The following CWF19L2 variants were observed in gnomAD, a reference collection of about 807,000 sequenced individuals.
The protein encoded by CWF19L2 is CWF19 like cell cycle control factor 2.
CWF19L2 carries 98 observed loss-of-function variants against 111.7 expected under a neutral mutation model. The observed-to-expected ratio is 0.88, with a 90% CI of 0.75 to 1.04. The LOEUF is 1.04. CWF19L2 is among the 50% of genes least tolerant of loss of function. The pLI is 0.00. For missense variants in CWF19L2, 1,101 were observed against 1,051.4 expected, an observed-to-expected ratio of 1.05 and a Z score of -0.65; for synonymous variants, 351 against 342.9, an observed-to-expected ratio of 1.02 and a Z score of -0.26.
chr11:107,361,540 T>C (rs537659436), intron 12 of CWF19L2, among the ~76,000 whole-genome samples: 7 of 152,214 alleles, frequency 4.6e-5, no homozygotes, highest in Non-Finnish European at 5.9e-5. Flanking sequence ...ATAGAGATTA[T>C]AATCAACCTG....
chr11:107,400,899 G>A (rs1489131347), intron 10 of CWF19L2, among the ~76,000 whole-genome samples: 2 of 151,944 alleles, frequency 1.3e-5, no homozygotes, highest in Non-Finnish European at 2.9e-5. Context: ...AGGGATGTAG[G>A]GATGGTTTAA....
rs185215540 is a variant in CWF19L2 at position 107,367,787 on chromosome 11, G to C, written c.1873-14051C>G. 3.7e-3 allele frequency among the ~76,000 whole-genome samples: 493 copies of C among 133,516 alleles called. 83 individuals carry two copies. Among genetic ancestry groups the C allele is most frequent in the Non-Finnish European group, 5.7e-3 (360 of 63,066 alleles). 87.6% of individuals were successfully genotyped at this position (133,516 alleles called of 152,430 possible). On this transcript the variant is annotated intron_variant, in intron 12 of 17. Transcript: ENST00000282251. ...GCACATGTATACATATGTAACTAAC[G>C]TGCACAATGTGCACATGTACCCTAA...
chr11:107,341,329 G>T (rs1385009355), intron 14 of CWF19L2, among the ~76,000 whole-genome samples: 1 of 152,178 alleles, frequency 6.6e-6, no homozygotes, highest in African/African-American at 2.4e-5. Context: ...TATCATAAAT[G>T]AGTAGGAATT....
intron 16 of CWF19L2, among the ~76,000 whole-genome samples, chr11:107,331,201 T>C (rs1175007315): frequency 6.6e-6 from 1 of 152,140 alleles, no homozygotes; most frequent in African/African-American, 2.4e-5. Flanking sequence ...GTAAAGGAGA[T>C]AGACAAGGCT....
intron 16 of CWF19L2, among the ~76,000 whole-genome samples, chr11:107,333,157 A>G (rs1859874835): frequency 6.6e-6 from 1 of 152,052 alleles, no homozygotes; most frequent in Admixed American, 6.6e-5. Context: ...TGTAACCCTC[A>G]GCTAGTCTCA....
intron 12 of CWF19L2, among the ~76,000 whole-genome samples, chr11:107,368,125 CA>C (rs67243856): frequency 0.48 from 31,402 of 66,042 alleles, 7,484 homozygotes; most frequent in African/African-American, 0.58. Context: ...GACCCCCCCC[CA>C]CACAAAAATA....
At chr11:107,439,316 C>T (rs1056988014) in intron 5 of CWF19L2, 133 bp from the exon 6 acceptor site, 19 of 612,676 alleles carry the variant, frequency 3.1e-5, no homozygotes, top group South Asian at 3.1e-4. Context: ...TTAAGATATG[C>T]TGTTCTGTAA....
At chr11:107,403,875 C>G in intron 10 of CWF19L2, 1 of 795,100 alleles carries the variant, frequency 1.3e-6, no homozygotes, top group Admixed American at 1.8e-5. Context: ...CTCTTCTCCT[C>G]CTGTATTTGA....
chr11:107,352,149 T>C (rs1469737233), intron 13 of CWF19L2, among the ~76,000 whole-genome samples: 1 of 152,210 alleles, frequency 6.6e-6, no homozygotes. Flanking sequence ...TCTTTGCTTG[T>C]ATTGTCCTGT....
At chr11:107,425,462 C>T (rs929490823) in intron 8 of CWF19L2, among the ~76,000 whole-genome samples, 2 of 151,896 alleles carry the variant, frequency 1.3e-5, no homozygotes, top group African/African-American at 4.8e-5. Flanking sequence ...ACATGTTCTA[C>T]TTTGCAGCCT....
In CWF19L2 at chr11:107,428,867, T is replaced by C. The variant is rs753325330; in HGVS notation, c.1365A>G (p.Gln455=). The stretch of plus-strand genomic sequence containing the variant: ...GAGGGTCATCTCTCAAGACTTCATC[T>C]TGTGATTTTTCTCTTGGGTCTTCTG... ...HVPEDPREKS[Q]DEVLRDDPPK... The change falls in exon 8 of 18, where the codon CAA becomes CAG. Residue 455 remains glutamine (Q), a synonymous_variant. Transcript: ENST00000282251. The C allele has an allele frequency of 1.2e-6, 2 of 1,613,748 alleles. No homozygotes were observed. The highest frequency in any genetic ancestry group is 3.3e-5 in the Admixed American group (2 of 59,996).
intron 6 of CWF19L2, among the ~76,000 whole-genome samples, chr11:107,437,958 T>C (rs1861565990): frequency 6.6e-6 from 1 of 152,188 alleles, no homozygotes; most frequent in Non-Finnish European, 1.5e-5. Flanking sequence ...CTTGTATGAC[T>C]ATAGTTACTA....
chr11:107,423,529 T>C (rs1290337890), intron 8 of CWF19L2, among the ~76,000 whole-genome samples: 2 of 152,084 alleles, frequency 1.3e-5, no homozygotes, highest in East Asian at 3.9e-4. Flanking sequence ...TTCTGCCATT[T>C]GTACCTGACC....
At chr11:107,345,534 T>C (rs767527996) in intron 14 of CWF19L2, 2 of 446,926 alleles carry the variant, frequency 4.5e-6, no homozygotes, top group Non-Finnish European at 9.1e-6. Flanking sequence ...TCATGAATTA[T>C]AAACAAAAAC....
At chr11:107,396,757 AC>A (rs1257819257) in intron 10 of CWF19L2, among the ~76,000 whole-genome samples, 3 of 152,132 alleles carry the variant, frequency 2.0e-5, no homozygotes, top group Non-Finnish European at 2.9e-5. Flanking sequence ...GTAAGAACAA[AC>A]CAGCAATCCC....
At chr11:107,390,506 T>C (rs969417719) in intron 11 of CWF19L2, among the ~76,000 whole-genome samples, 3 of 152,242 alleles carry the variant, frequency 2.0e-5, no homozygotes, top group Non-Finnish European at 2.9e-5. Flanking sequence ...CTCTCTTTTC[T>C]GCTCTTCTTC....
intron 10 of CWF19L2, among the ~76,000 whole-genome samples, chr11:107,410,718 C>T (rs1187827610): frequency 2.6e-5 from 4 of 152,140 alleles, no homozygotes; most frequent in African/African-American, 9.7e-5. Context: ...CAGTCATATC[C>T]TCAAAACCGT....
chr11:107,338,289 T>C (rs1400376052), intron 14 of CWF19L2, among the ~76,000 whole-genome samples: 1 of 152,138 alleles, frequency 6.6e-6, no homozygotes, highest in Non-Finnish European at 1.5e-5. Flanking sequence ...CCAGTCCTCA[T>C]TCCCTTCTTC....
intron 10 of CWF19L2, among the ~76,000 whole-genome samples, chr11:107,393,991 T>TA (rs112534781): frequency 0.017 from 2,654 of 152,194 alleles, 60 homozygotes; most frequent in African/African-American, 0.059. Context: ...TATATCCCTG[T>TA]AAAAAACCTG....
Sources: gnomAD v4.1 joint callset for allele counts (sites outside exome capture counted in the v4.1 genomes callset) on GRCh38, gnomAD v4.1.1 for gene constraint, MANE v1.5 for transcripts, NCBI Gene and HGNC (gene_info 2026-07-23, HGNC 2026-07-21) for gene names.